IFIT1B: variants seen among roughly 807,000 people sequenced by gnomAD.
IFIT1B encodes the protein protein IFIT1 homolog B.
A neutral mutation model predicts 2.5 loss-of-function variants in IFIT1B; 3 were observed. The ratio of observed to expected loss-of-function variants is 1.21; its 90% CI spans 0.55 to 3.14. IFIT1B has a LOEUF of 3.14. IFIT1B is among the 30% of genes most tolerant of loss of function. The pLI is 0.03. For missense variants in IFIT1B, 545 were observed against 556.5 expected (o/e 0.98, Z 0.21); for synonymous variants, 196 against 203.0 (o/e 0.97, Z 0.29).
At position 89,384,662 on chromosome 10, in the gene IFIT1B, AAGG is replaced by A. The variant is rs1286947507; in HGVS notation, c.1352_1354del (p.Gly451del). On this transcript the variant is annotated inframe_deletion, in exon 2 of 2. Coordinates refer to ENST00000371809, the MANE Select transcript of IFIT1B (RefSeq NM_001010987.2). ...CTCCTTGGGCTTATCCACAAATTGA[AAGG>A]AGAAGTAAGTGATGCTTTGCTGTGC... The A allele has an allele frequency of 3.1e-6, 5 of 1,614,098 alleles. No homozygotes were observed. The highest frequency in any genetic ancestry group is 2.7e-5 in the African/African-American group (2 of 74,938).
At position 89,383,766 on chromosome 10, in the gene IFIT1B, G is replaced by A. The variant is rs1431351274; in HGVS notation, c.453G>A (p.Lys151=). The A allele has an allele frequency of 6.2e-7, 1 of 1,614,206 alleles. No homozygotes were observed. The highest frequency in any genetic ancestry group is 1.1e-5 in the South Asian group (1 of 91,086). Reference sequence around the variant, plus strand: ...GTGAGGAAGGATGGGCCTTGGCGAAGTGTGGTGGAAAGAATTATGAACGGG... The same window carrying A: ...GTGAGGAAGGATGGGCCTTGGCGAAATGTGGTGGAAAGAATTATGAACGGG... ...VDCEEGWALA[K]CGGKNYERAK... is the part of the protein sequence containing the mutation. The change falls in exon 2 of 2, where the codon AAG becomes AAA. Residue 151 remains lysine, a synonymous_variant. Transcript: ENST00000371809.
At chr10:89,378,705 G>C (rs1844140024) in intron 1 of IFIT1B, among the ~76,000 whole-genome samples, 1 of 152,184 alleles carries the variant, frequency 6.6e-6, no homozygotes, top group South Asian at 2.1e-4. Flanking sequence ...CACAGAGCAT[G>C]GTGAAGAATG....
chr10:89,380,377 G>A (rs1418935441), intron 1 of IFIT1B, among the ~76,000 whole-genome samples: 3 of 151,784 alleles, frequency 2.0e-5, no homozygotes, highest in East Asian at 1.9e-4. Context: ...ATGGTGACGA[G>A]TCCCTGTCTG....
At position 89,378,130 on chromosome 10, in the gene IFIT1B, A is replaced by G. The variant is rs1197001410; in HGVS notation, c.-6A>G. ...ACTACAGATCACCTGCTATCTTCAT[A>G]GCACCATGAGGTAAAGTCTTTCTCT... On this transcript the variant is annotated 5_prime_UTR_variant, in exon 1 of 2. In the 5' UTR this introduces an upstream ATG that the reference lacks. Transcript: ENST00000371809. 2.5e-6 allele frequency: 4 copies of G among 1,613,870 alleles called. No homozygotes were observed. In the African/African-American group the frequency reaches 4.0e-5, roughly 16 times the overall value.
Position 89,384,344 on chromosome 10 carries a change from T to C in IFIT1B, c.1031T>C (p.Val344Ala). The part of the protein sequence containing the change: ...MLKRTFEMAY[V>A]DLAETYAEIG... ...AAGCGAACATTTGAGATGGCCTATG[T>C]TGACCTGGCTGAAACGTATGCAGAA... is the stretch of plus-strand genomic sequence containing the variant. The change falls in exon 2 of 2, where the codon GTT (valine) becomes GCT (alanine). Residue 344 changes from valine to alanine, a missense_variant. Coordinates refer to ENST00000371809, the MANE Select transcript of IFIT1B (RefSeq NM_001010987.2). 6.2e-7 allele frequency: 1 copy of C among 1,614,196 alleles called. No individual in the cohort carries two copies. Among genetic ancestry groups the C allele is most frequent in the Non-Finnish European group, 8.5e-7 (1 of 1,180,024 alleles).
At chr10:89,381,159 C>T (rs1173434100) in intron 1 of IFIT1B, among the ~76,000 whole-genome samples, 2 of 152,132 alleles carry the variant, frequency 1.3e-5, no homozygotes, top group African/African-American at 4.8e-5. Flanking sequence ...ATTTAGAAAG[C>T]TTGGAATGGC....
Position 89,385,002 on chromosome 10 carries a change from G to A in IFIT1B, c.*264G>A. 1 of 416,844 alleles carries A rather than the reference G, an allele frequency of 2.4e-6. No individual in the cohort carries two copies. The highest frequency in any genetic ancestry group is 4.3e-6 in the Non-Finnish European group (1 of 232,294). 25.8% of individuals were successfully genotyped at this position (416,844 alleles called of 1,614,324 possible). A position where few individuals can be genotyped will look rare whatever the true frequency, so the allele number is the denominator to read the frequency against. On this transcript the variant is annotated 3_prime_UTR_variant, in exon 2 of 2. Transcript: ENST00000371809. ...TGGAATGGTAAAGCAATCTTTCTTGGAACATAGCAAGTAGTAACCGATCAA... is the reference window on the plus strand; with the variant it reads ...TGGAATGGTAAAGCAATCTTTCTTGAAACATAGCAAGTAGTAACCGATCAA...
chr10:89,382,203 A>G (rs1844168638), intron 1 of IFIT1B, among the ~76,000 whole-genome samples: 1 of 152,226 alleles, frequency 6.6e-6, no homozygotes, highest in African/African-American at 2.4e-5. Context: ...TTTTTGCTAT[A>G]CATTGCCATA....
In IFIT1B at chr10:89,384,731, T is replaced by C. The variant is rs141844567; in HGVS notation, c.1418T>C (p.Ile473Thr). Residue 473 changes from isoleucine (I) to threonine (T), a missense_variant, in exon 2 of 2, where the codon ATA (isoleucine) becomes ACA (threonine). Coordinates refer to ENST00000371809, the MANE Select transcript of IFIT1B (RefSeq NM_001010987.2). ...AGGCTGGCTGCTGACCTGAACCCTA[T>C]ATTTTAACATAGAGGTCACCATTAT... ...ALRLAADLNP[I>T]F 291 of 1,603,288 alleles carry C rather than the reference T, an allele frequency of 1.8e-4. 3 individuals carry two copies. In the African/African-American group the frequency reaches 2.6e-3, roughly 14 times the overall value.
In IFIT1B at chr10:89,383,578, C is replaced by A; in HGVS notation, c.265C>A (p.Gln89Lys). ...EDLIQKEHAN[Q>K]ADIRSLVTWG... ...CTTAATTCAGAAAGAACATGCCAAC[C>A]AAGCAGATATTAGAAGTCTGGTGAC... The change falls in exon 2 of 2, where the codon CAA becomes AAA. Residue 89 changes from glutamine to lysine, a missense_variant. Gln to Lys is a moderately conservative substitution (Grantham distance 53). Coordinates refer to ENST00000371809, the MANE Select transcript of IFIT1B (RefSeq NM_001010987.2). 1.9e-6 allele frequency: 3 copies of A among 1,614,170 alleles called. No homozygotes were observed. Among genetic ancestry groups the A allele is most frequent in the Non-Finnish European group, 2.5e-6 (3 of 1,180,046 alleles).
In IFIT1B at chr10:89,383,441, T is replaced by C. The variant is rs1217517562; in HGVS notation, c.128T>C (p.Ile43Thr). The C allele has an allele frequency of 6.2e-7, 1 of 1,614,216 alleles. No homozygotes were observed. Among genetic ancestry groups the C allele is most frequent in the South Asian group, 1.1e-5 (1 of 91,082 alleles). ...TTAGAAAACAGGATCTGGGAAGAGA[T>C]TCAGTTCCTGGACACCAAATACAAT... ...PDLENRIWEE[I>T]QFLDTKYNVG... Residue 43 changes from isoleucine (I) to threonine (T), a missense_variant, in exon 2 of 2, where the codon ATT becomes ACT. Transcript: ENST00000371809.
rs1386954007 is a variant in IFIT1B, at chr10:89,379,817, G to A, written c.5+1677G>A. ...TGGGAGGCCGAGATGGGCAGATCAC[G>A]AGGTCAGGAGATCAAGACCATCCTG... On this transcript the variant is annotated intron_variant, in intron 1 of 1. Coordinates refer to ENST00000371809, the MANE Select transcript of IFIT1B (RefSeq NM_001010987.2). 2.6e-5 allele frequency among the ~76,000 whole-genome samples: 4 copies of A among 152,072 alleles called. No homozygotes were observed. The East Asian group carries it at 5.8e-4, about 22-fold the overall frequency.
chr10:89,382,470 TG>T (rs757441771), intron 1 of IFIT1B, among the ~76,000 whole-genome samples: 1 of 152,244 alleles, frequency 6.6e-6, no homozygotes, highest in Non-Finnish European at 1.5e-5. Context: ...AAAACCCTTC[TG>T]GTCCCACTGA....
rs748742821 is a variant in IFIT1B at position 89,384,460 on chromosome 10, C to G, written c.1147C>G (p.His383Asp). ...TCAGCTAAAGCAAGAGATTCATTAC[C>G]ACTACGGCCGTTTCCAAGAACATCA... The part of the protein sequence containing the change: ...EDQLKQEIHY[H>D]YGRFQEHHGK... Residue 383 changes from histidine (H) to aspartate (D), a missense_variant, in exon 2 of 2, where the codon CAC becomes GAC. Coordinates refer to ENST00000371809, the MANE Select transcript of IFIT1B (RefSeq NM_001010987.2). 6.2e-7 allele frequency: 1 copy of G among 1,614,048 alleles called. No homozygotes were observed. The highest frequency in any genetic ancestry group is 1.3e-5 in the African/African-American group (1 of 74,914).
chr10:89,383,642 G>T lies in IFIT1B; in HGVS notation c.329G>T (p.Arg110Ile). 6.2e-7 allele frequency: 1 copy of T among 1,614,234 alleles called. No homozygotes were observed. The highest frequency in any genetic ancestry group is 8.5e-7 in the Non-Finnish European group (1 of 1,180,042). Residue 110 changes from arginine (R) to isoleucine (I), a missense_variant, in exon 2 of 2, where the codon AGA becomes ATA. Transcript: ENST00000371809. ...NFAWVYYHMG[R>I]LAEAQTYLDK... ...GCCTGGGTGTATTACCACATGGGCA[G>T]ATTGGCAGAAGCCCAGACTTACCTG...
intron 1 of IFIT1B, 70 bp downstream of exon 1, chr10:89,378,210 C>A (rs572395877): frequency 5.8e-6 from 9 of 1,551,332 alleles, no homozygotes; most frequent in Non-Finnish European, 8.0e-6. Context: ...TCCTTAAGGG[C>A]CAATTTTTTG....
intron 1 of IFIT1B, 64 bp downstream of exon 1, chr10:89,378,204 T>TAAG: frequency 6.3e-7 from 1 of 1,576,840 alleles, no homozygotes; most frequent in Non-Finnish European, 8.7e-7. Flanking sequence ...AAACTTTCCT[T>TAAG]AAGGGCCAAT....
At chr10:89,383,175 A>G in intron 1 of IFIT1B, 144 bp from the exon 2 acceptor site, 1 of 697,990 alleles carries the variant, frequency 1.4e-6, no homozygotes. Context: ...TCCTAATGAC[A>G]TGACTGTAGA....
In IFIT1B at chr10:89,384,745, G is replaced by C. The variant is rs761674259; in HGVS notation, c.*7G>C. 33 of 1,582,962 alleles carry C rather than the reference G, an allele frequency of 2.1e-5. No individual in the cohort carries two copies. The South Asian group carries it at 3.6e-4, about 17-fold the overall frequency. ...CCTGAACCCTATATTTTAACATAGA[G>C]GTCACCATTATCCATTTAATGGTCT... On this transcript the variant is annotated 3_prime_UTR_variant, in exon 2 of 2. Coordinates refer to ENST00000371809, the MANE Select transcript of IFIT1B (RefSeq NM_001010987.2).
Sources: gnomAD v4.1 joint callset for allele counts (sites outside exome capture counted in the v4.1 genomes callset) on GRCh38, gnomAD v4.1.1 for gene constraint, MANE v1.5 for transcripts, NCBI Gene and HGNC (gene_info 2026-07-23, HGNC 2026-07-21) for gene names.